SHTN1: variants seen among roughly 807,000 people sequenced by gnomAD.
The protein encoded by SHTN1 is shootin 1, also known as shootin-1.
In SHTN1, 42 loss-of-function variants were observed where a neutral mutation model predicts 83.1. The observed-to-expected ratio is 0.51, with a 90% CI of 0.39 to 0.65. SHTN1 has a LOEUF of 0.65. SHTN1 is among the 30% of genes least tolerant of loss of function. The pLI, the probability that SHTN1 is intolerant of heterozygous loss-of-function variation, is 0.00. For synonymous variants in SHTN1, 224 were observed against 247.7 expected (o/e 0.90, Z 0.90); for missense variants, 622 against 737.8 (o/e 0.84, Z 1.82).
intron 16 of SHTN1, chr10:116,900,751 TAGTCA>T: frequency 1.0e-6 from 1 of 984,332 alleles, no homozygotes; most frequent in African/African-American, 1.7e-5. Flanking sequence ...CAAATGACTC[TAGTCA>T]AAAGAAAGGA....
chr10:117,041,568 T>C (rs1294993060), intron 2 of SHTN1, among the ~76,000 whole-genome samples: 2 of 152,204 alleles, frequency 1.3e-5, no homozygotes, highest in African/African-American at 4.8e-5. Context: ...CACAGGCTTA[T>C]AGTTCAAGAG....
intron 1 of SHTN1, among the ~76,000 whole-genome samples, chr10:117,060,846 G>A (rs1411283745): frequency 5.3e-5 from 8 of 152,216 alleles, no homozygotes; most frequent in South Asian, 2.1e-4. Context: ...GGAAAAGCGA[G>A]AGGAAAGAAA....
intron 1 of SHTN1, among the ~76,000 whole-genome samples, chr10:116,984,346 G>T (rs901164520): frequency 6.6e-6 from 1 of 152,186 alleles, no homozygotes; most frequent in Non-Finnish European, 1.5e-5. Flanking sequence ...ATAGCCACAT[G>T]TGACTAGTTA....
chr10:116,896,187 A>T (rs1230629645), intron 16 of SHTN1, among the ~76,000 whole-genome samples: 1 of 152,184 alleles, frequency 6.6e-6, no homozygotes, highest in Non-Finnish European at 1.5e-5. Context: ...TTCCTTTATT[A>T]TACCTATATC....
chr10:116,922,140 A>G (rs1848589926), intron 11 of SHTN1, among the ~76,000 whole-genome samples: 1 of 152,202 alleles, frequency 6.6e-6, no homozygotes, highest in Non-Finnish European at 1.5e-5. Context: ...GAGAAAAAGC[A>G]CATAATTCAA....
intron 1 of SHTN1, among the ~76,000 whole-genome samples, chr10:117,102,876 G>A (rs1484149848): frequency 6.6e-6 from 1 of 152,078 alleles, no homozygotes. Context: ...CATAACTACT[G>A]GCCCGGCATC....
At chr10:117,031,673 A>G (rs1852418067) in intron 2 of SHTN1, among the ~76,000 whole-genome samples, 2 of 152,158 alleles carry the variant, frequency 1.3e-5, no homozygotes, top group Non-Finnish European at 2.9e-5. Flanking sequence ...TTAAGTTGTT[A>G]TCAGCTTAAA....
At chr10:117,024,016 AAAC>A (rs1056015624) in intron 2 of SHTN1, among the ~76,000 whole-genome samples, 3 of 152,202 alleles carry the variant, frequency 2.0e-5, no homozygotes, top group African/African-American at 7.2e-5. Context: ...TGTTCATACC[AAAC>A]AACATCAATG....
intron 1 of SHTN1, among the ~76,000 whole-genome samples, chr10:117,104,773 CA>C (rs1853650036): frequency 1.3e-5 from 2 of 151,950 alleles, no homozygotes; most frequent in Admixed American, 1.3e-4. Flanking sequence ...GACTCCGTCT[CA>C]AAACAACAAC....
intron 1 of SHTN1, among the ~76,000 whole-genome samples, chr10:117,066,601 AAACT>A (rs1445649334): frequency 3.3e-5 from 5 of 152,224 alleles, no homozygotes; most frequent in African/African-American, 1.2e-4. Context: ...AGACACAAAC[AAACT>A]AACAATCTTT....
chr10:117,084,719 T>C (rs1046228530), intron 1 of SHTN1, among the ~76,000 whole-genome samples: 6 of 152,108 alleles, frequency 3.9e-5, no homozygotes, highest in African/African-American at 1.4e-4. Flanking sequence ...CCGAGCCAGG[T>C]GCAGGATATA....
At chr10:116,968,847 A>G (rs905080778) in intron 2 of SHTN1, 135 bp from the exon 3 acceptor site, 5 of 671,094 alleles carry the variant, frequency 7.5e-6, no homozygotes, top group Non-Finnish European at 1.0e-5. Context: ...GAAAAGCATC[A>G]ATGGTCATAT....
chr10:116,979,405 G>A, intron 1 of SHTN1, 97 bp from the exon 2 acceptor site: 1 of 932,924 alleles, frequency 1.1e-6, no homozygotes, highest in East Asian at 2.4e-5. Context: ...TTCTTACTAG[G>A]TTGAGGTAGG....
chr10:117,100,384 A>G (rs1853572940), intron 1 of SHTN1, among the ~76,000 whole-genome samples: 1 of 152,214 alleles, frequency 6.6e-6, no homozygotes, highest in Non-Finnish European at 1.5e-5. Flanking sequence ...TATGGCCCAC[A>G]CAGCCTAAAA....
intron 3 of SHTN1, among the ~76,000 whole-genome samples, chr10:116,966,259 C>A (rs1470349373): frequency 3.3e-5 from 5 of 152,150 alleles, no homozygotes; most frequent in African/African-American, 1.2e-4. Context: ...CCACCCGCCT[C>A]GGCCTCCCAA....
At chr10:117,050,281 T>G (rs1374332476) in intron 1 of SHTN1, among the ~76,000 whole-genome samples, 1 of 152,072 alleles carries the variant, frequency 6.6e-6, no homozygotes, top group African/African-American at 2.4e-5. Context: ...AGATAAAATA[T>G]ATAAATCATC....
rs1055261963 is a variant in SHTN1 at position 117,013,243 on chromosome 10, C to T, written c.-122-33935G>A. Among the ~76,000 whole-genome samples, 193 of 152,220 alleles carry T rather than the reference C, an allele frequency of 1.3e-3. 1 individual carries two copies. Among genetic ancestry groups the T allele is most frequent in the African/African-American group, 4.4e-3 (184 of 41,518 alleles). On this transcript the variant is annotated intron_variant, in intron 2 of 17. Transcript: ENST00000392901. ...AGGCTGGAGTGCAGTGGTACCATCT[C>T]GGCTCACTGCAACCTCTGCCTCCCT...
In SHTN1 at chr10:117,005,115, G is replaced by A. The variant is rs1422442741; in HGVS notation, c.-36C>T. On this transcript the variant is annotated 5_prime_UTR_variant, in exon 1 of 17. Coordinates refer to ENST00000355371, the MANE Select transcript of SHTN1 (RefSeq NM_001127211.3). ...GGGGCCGGGAATAAAAGGGAAAGAG[G>A]GAGCGGCGCGGGGCACACAGGAGGA... The A allele has an allele frequency of 6.4e-7, 1 of 1,573,192 alleles. No individual in the cohort carries two copies. The highest frequency in any genetic ancestry group is 1.2e-5 in the South Asian group (1 of 85,916).
chr10:117,106,102 T>C (rs1321664138), intron 1 of SHTN1, among the ~76,000 whole-genome samples: 1 of 151,756 alleles, frequency 6.6e-6, no homozygotes, highest in East Asian at 1.9e-4. Flanking sequence ...AGAGACAGAC[T>C]CCGTCTCAAA....
Sources: gnomAD v4.1 joint callset for allele counts (sites outside exome capture counted in the v4.1 genomes callset) on GRCh38, gnomAD v4.1.1 for gene constraint, MANE v1.5 for transcripts, NCBI Gene and HGNC (gene_info 2026-07-23, HGNC 2026-07-21) for gene names.